The following CTNNA2 variants were observed in gnomAD, a reference collection of about 807,000 sequenced individuals.
CTNNA2 encodes catenin alpha-2.
In CTNNA2, 42 loss-of-function variants were observed where a neutral mutation model predicts 101.0. The observed-to-expected ratio is 0.42, with a 90% CI of 0.32 to 0.54. CTNNA2 has a LOEUF of 0.54. CTNNA2 is among the 20% of genes least tolerant of loss of function. The pLI is 0.14. For missense variants in CTNNA2, 871 were observed against 1,223.1 expected (o/e 0.71, Z 4.29); for synonymous variants, 450 against 456.4 (o/e 0.99, Z 0.18).
At chr2:80,180,712 G>T (rs532562779) in intron 7 of CTNNA2, among the ~76,000 whole-genome samples, 46 of 152,234 alleles carry the variant, frequency 3.0e-4, no homozygotes, top group African/African-American at 1.1e-3. Context: ...TATATCTTCT[G>T]GACCCTCCCA....
At chr2:80,466,580 A>G (rs151161082) in intron 9 of CTNNA2, among the ~76,000 whole-genome samples, 602 of 152,320 alleles carry the variant, frequency 4.0e-3, no homozygotes, top group African/African-American at 0.014. Context: ...CTTTTTCAAA[A>G]TGAAGACTTG....
At chr2:80,185,192 G>A (rs1706041641) in intron 7 of CTNNA2, among the ~76,000 whole-genome samples, 1 of 152,114 alleles carries the variant, frequency 6.6e-6, no homozygotes, top group African/African-American at 2.4e-5. Context: ...GTGGTTATTG[G>A]CAGGATTTTG....
At chr2:79,870,857 C>T (rs997819432) in intron 5 of CTNNA2, among the ~76,000 whole-genome samples, 7 of 152,050 alleles carry the variant, frequency 4.6e-5, no homozygotes, top group East Asian at 1.9e-4. Context: ...CTCCCTTCCT[C>T]GACACATGGG....
At chr2:80,532,806 GAGAAGAAAA>G (rs2149598441) in intron 9 of CTNNA2, among the ~76,000 whole-genome samples, 1 of 152,210 alleles carries the variant, frequency 6.6e-6, no homozygotes, top group African/African-American at 2.4e-5. Context: ...TATTACCTAG[GAGAAGAAAA>G]TATGACCTTA....
chr2:79,239,483 G>A (rs1255722532), intron 2 of CTNNA2, among the ~76,000 whole-genome samples: 3 of 152,026 alleles, frequency 2.0e-5, no homozygotes, highest in Non-Finnish European at 4.4e-5. Context: ...TCATGCCACT[G>A]CACTCCAGCC....
intron 3 of CTNNA2, among the ~76,000 whole-genome samples, chr2:79,798,810 AAC>A (rs1057285768): frequency 1.3e-5 from 2 of 152,202 alleles, no homozygotes; most frequent in African/African-American, 4.8e-5. Context: ...AGACTAGAGT[AAC>A]ACAGTTTTAT....
intron 7 of CTNNA2, among the ~76,000 whole-genome samples, chr2:80,120,587 G>A (rs1701777260): frequency 6.6e-6 from 1 of 152,158 alleles, no homozygotes; most frequent in African/African-American, 2.4e-5. Flanking sequence ...TAGTGCTGTA[G>A]ACACGGCAGT....
At chr2:79,524,915 T>TA (rs1199637903) in intron 1 of CTNNA2, 8 of 151,866 alleles carry the variant, frequency 5.3e-5, no homozygotes, top group Admixed American at 5.3e-4. Flanking sequence ...TGGTGCTTTT[T>TA]TTTTTTGTAT....
chr2:79,848,974 C>T (rs553014432), intron 3 of CTNNA2, among the ~76,000 whole-genome samples: 1 of 151,094 alleles, frequency 6.6e-6, no homozygotes, highest in Non-Finnish European at 1.5e-5. Flanking sequence ...GGGATGCTGA[C>T]CCCCACCAAC....
intron 15 of CTNNA2, among the ~76,000 whole-genome samples, chr2:80,598,935 A>G (rs915989299): frequency 6.6e-6 from 1 of 152,172 alleles, no homozygotes; most frequent in African/African-American, 2.4e-5. Context: ...CTGTGTCTCA[A>G]TTGTAGTAGT....
chr2:79,927,096 C>T (rs933294666), intron 7 of CTNNA2, among the ~76,000 whole-genome samples: 7 of 152,046 alleles, frequency 4.6e-5, no homozygotes, highest in Admixed American at 2.0e-4. Context: ...ACATTCTGAG[C>T]ACAGTGAAGC....
At chr2:79,619,807 A>T (rs774485999) in intron 1 of CTNNA2, among the ~76,000 whole-genome samples, 2 of 152,200 alleles carry the variant, frequency 1.3e-5, no homozygotes, top group Non-Finnish European at 2.9e-5. Context: ...CAGCAATATT[A>T]CACTTAAATC....
chr2:79,625,481 A>G (rs1351789315), intron 1 of CTNNA2, among the ~76,000 whole-genome samples: 2 of 152,328 alleles, frequency 1.3e-5, no homozygotes, highest in African/African-American at 4.8e-5. Context: ...GAAAAAATAG[A>G]TACTATGAAA....
intron 7 of CTNNA2, among the ~76,000 whole-genome samples, chr2:80,279,870 TTTATATCTC>T (rs1674228013): frequency 6.6e-6 from 1 of 152,018 alleles, no homozygotes; most frequent in South Asian, 2.1e-4. Flanking sequence ...TTTAAAAAAA[TTTATATCTC>T]TTCTAAAATG....
intron 1 of CTNNA2, among the ~76,000 whole-genome samples, chr2:79,645,218 C>T (rs923488009): frequency 5.3e-5 from 8 of 152,036 alleles, no homozygotes; most frequent in African/African-American, 1.9e-4. Flanking sequence ...AACTTCTGGA[C>T]TCAAGCAATC....
At chr2:80,641,696 A>G (rs938854807) in intron 18 of CTNNA2, among the ~76,000 whole-genome samples, 4 of 152,150 alleles carry the variant, frequency 2.6e-5, no homozygotes, top group African/African-American at 9.7e-5. Flanking sequence ...TTACTTAACT[A>G]TTCCCTACTT....
chr2:79,870,948 A>C (rs1189498993), intron 5 of CTNNA2, among the ~76,000 whole-genome samples: 3 of 152,202 alleles, frequency 2.0e-5, no homozygotes, highest in Non-Finnish European at 4.4e-5. Flanking sequence ...AAACCATATC[A>C]GCCTCCTTTT....
At chr2:79,818,848 T>TATATATATATATA (rs70940046) in intron 3 of CTNNA2, among the ~76,000 whole-genome samples, 1 of 135,402 alleles carries the variant, frequency 7.4e-6, no homozygotes, top group African/African-American at 2.8e-5. Context: ...TATATATATA[T>TATATATATATATA]GGATGTATGT....
At chr2:79,468,831 T>C (rs1670967060) in intron 4 of CTNNA2, among the ~76,000 whole-genome samples, 1 of 152,094 alleles carries the variant, frequency 6.6e-6, no homozygotes, top group African/African-American at 2.4e-5. Context: ...TTGAAACCAG[T>C]GAGAACAAAG....
Sources: allele counts gnomAD v4.1 joint callset (sites outside exome capture counted in the v4.1 genomes callset), GRCh38; gene constraint gnomAD v4.1.1; transcripts MANE v1.5; gene names NCBI Gene and HGNC (gene_info 2026-07-23, HGNC 2026-07-21).